The following CLNK variants were observed in gnomAD, a reference collection of about 807,000 sequenced individuals.
CLNK encodes the protein cytokine dependent hematopoietic cell linker.
CLNK carries 74 observed loss-of-function variants against 68.6 expected under a neutral mutation model. That is an observed-to-expected ratio of 1.08 (90% CI 0.89 to 1.31). The LOEUF is 1.31. Among genes scored for constraint, CLNK ranks in the 50% most tolerant of loss-of-function variants. CLNK has a pLI of 0.00. For missense variants in CLNK, 553 were observed against 515.3 expected (o/e 1.07, Z -0.71); for synonymous variants, 198 against 172.2 (o/e 1.15, Z -1.17).
chr4:10,591,154 G>T (rs142486903), intron 3 of CLNK, among the ~76,000 whole-genome samples: 1 of 152,114 alleles, frequency 6.6e-6, no homozygotes, highest in Non-Finnish European at 1.5e-5. Context: ...CCTAGAGGTC[G>T]TGTGGAGGTT....
intron 10 of CLNK, among the ~76,000 whole-genome samples, chr4:10,541,136 C>T (rs561697194): frequency 6.7e-6 from 1 of 150,296 alleles, no homozygotes; most frequent in South Asian, 2.1e-4. Context: ...ATCACTTGAG[C>T]CCAGGAGGCA....
At chr4:10,541,960 A>C in intron 10 of CLNK, 62 bp downstream of exon 10, 3 of 1,230,552 alleles carry the variant, frequency 2.4e-6, no homozygotes, top group Non-Finnish European at 2.3e-6. Flanking sequence ...TCTCTTTTTC[A>C]GATGCTGGCA....
the CLNK span, among the ~76,000 whole-genome samples, chr4:10,693,138 C>T: frequency 6.6e-6 from 1 of 152,118 alleles, no homozygotes; most frequent in Non-Finnish European, 1.5e-5. Context: ...TATCCTTGAG[C>T]CTTGTATAAG....
At chr4:10,648,603 G>A (rs1364594775) in intron 2 of CLNK, among the ~76,000 whole-genome samples, 1 of 152,162 alleles carries the variant, frequency 6.6e-6, no homozygotes, top group Non-Finnish European at 1.5e-5. Context: ...ATTGGTAGAA[G>A]TTATAGTATT....
chr4:10,718,846 G>A, the CLNK span, among the ~76,000 whole-genome samples: 1 of 151,984 alleles, frequency 6.6e-6, no homozygotes. Context: ...TGTTCTAAAT[G>A]TATATAAAGG....
rs1164511102 is a variant in CLNK, at chr4:10,603,486, T to A, written c.12-5437A>T. Among the ~76,000 whole-genome samples, 3 of 152,310 alleles carry A rather than the reference T, an allele frequency of 2.0e-5. No individual in the cohort carries two copies. In the East Asian group the frequency reaches 5.8e-4, roughly 29 times the overall value. ...TTTTTTGCCTCATGTTCAGCACATG[T>A]CCCATCTCCTCAGGAACTGCCGCAG... On this transcript the variant is annotated intron_variant, in intron 2 of 18. Coordinates refer to ENST00000226951, the MANE Select transcript of CLNK (RefSeq NM_052964.4).
In CLNK at chr4:10,487,335, CA is replaced by C. The variant is rs1428159583; in HGVS notation, c.*3131del. On this transcript the variant is annotated 3_prime_UTR_variant, in exon 19 of 19. Transcript: ENST00000226951. ...TTTGGCCAATGAGGTACAATTTCCT[CA>C]ATTATAAAATGCATTAGAAATAGCT... 1 of 152,158 alleles carries C rather than the reference CA, an allele frequency of 6.6e-6. No homozygotes were observed. Among genetic ancestry groups the C allele is most frequent in the Middle Eastern group, 3.2e-3 (1 of 316 alleles). 9.4% of individuals were successfully genotyped at this position (152,158 alleles called of 1,614,324 possible).
At chr4:10,696,905 T>C in the CLNK span, among the ~76,000 whole-genome samples, 1 of 152,196 alleles carries the variant, frequency 6.6e-6, no homozygotes, top group Non-Finnish European at 1.5e-5. Flanking sequence ...TCCAGGGCCC[T>C]TCCCCAGATC....
At chr4:10,582,495 G>A (rs1720818728) in intron 4 of CLNK, among the ~76,000 whole-genome samples, 1 of 152,028 alleles carries the variant, frequency 6.6e-6, no homozygotes, top group African/African-American at 2.4e-5. Context: ...TAAGACAGAA[G>A]GACCCACTTT....
At chr4:10,508,702 A>G (rs867056447) in intron 16 of CLNK, among the ~76,000 whole-genome samples, 1 of 152,208 alleles carries the variant, frequency 6.6e-6, no homozygotes, top group South Asian at 2.1e-4. Context: ...TCCAGCATCT[A>G]TAAGGTCCTT....
At chr4:10,574,778 TTA>T (rs1453331227) in intron 4 of CLNK, among the ~76,000 whole-genome samples, 16 of 152,214 alleles carry the variant, frequency 1.1e-4, no homozygotes, top group Admixed American at 1.0e-3. Context: ...ACCTAACCGC[TTA>T]TGTTATCTAT....
At chr4:10,695,861 CTT>C in the CLNK span, among the ~76,000 whole-genome samples, 9 of 143,856 alleles carry the variant, frequency 6.3e-5, no homozygotes, top group African/African-American at 5.1e-5. Flanking sequence ...ACAATTAGAG[CTT>C]TTTTTTTTTT....
intron 17 of CLNK, among the ~76,000 whole-genome samples, chr4:10,502,155 C>G (rs1158978473): frequency 6.6e-6 from 1 of 152,174 alleles, no homozygotes; most frequent in Non-Finnish European, 1.5e-5. Flanking sequence ...TTTCACACTT[C>G]TATAAAGAAA....
intron 2 of CLNK, among the ~76,000 whole-genome samples, chr4:10,633,935 T>G (rs1277129851): frequency 6.6e-6 from 1 of 152,226 alleles, no homozygotes; most frequent in Non-Finnish European, 1.5e-5. Flanking sequence ...GAGTTCCCAT[T>G]AATACTTAGG....
chr4:10,699,512 A>ATTTTTTTTTTT, the CLNK span, among the ~76,000 whole-genome samples: 1 of 32,748 alleles, frequency 3.1e-5, no homozygotes, highest in Non-Finnish European at 5.6e-5. Context: ...ATATATATAT[A>ATTTTTTTTTTT]TTTTTTTTTT....
Position 10,489,794 on chromosome 4 carries a change from G to C in CLNK, c.*673C>G, listed in dbSNP as rs1051790359. On this transcript the variant is annotated 3_prime_UTR_variant, in exon 19 of 19. Transcript: ENST00000226951. ...CCATTCTCCTGCCTCAGCCTCCCGA[G>C]TAGCTGGGACTACAGGCACCCACCA... 7.2e-6 allele frequency: 1 copy of C among 138,436 alleles called. No homozygotes were observed. The highest frequency in any genetic ancestry group is 1.5e-5 in the Non-Finnish European group (1 of 64,654). The allele number at this position is 138,436 out of a possible 1,614,324, so 8.6% of individuals were successfully genotyped here. A position where few individuals can be genotyped will look rare whatever the true frequency, so the allele number is the denominator to read the frequency against.
the CLNK span, among the ~76,000 whole-genome samples, chr4:10,733,701 T>G: frequency 2.0e-5 from 3 of 152,358 alleles, no homozygotes; most frequent in Admixed American, 2.0e-4. Context: ...GCTGTCCATC[T>G]TCTTTTGCTG....
At chr4:10,552,071 T>C (rs570956486) in intron 8 of CLNK, among the ~76,000 whole-genome samples, 171 of 152,204 alleles carry the variant, frequency 1.1e-3, no homozygotes, top group African/African-American at 3.7e-3. Flanking sequence ...TTAGCCAGGA[T>C]GGTCTCGATC....
intron 16 of CLNK, among the ~76,000 whole-genome samples, chr4:10,512,161 A>T (rs142382716): frequency 2.0e-5 from 3 of 152,226 alleles, no homozygotes; most frequent in Non-Finnish European, 4.4e-5. Flanking sequence ...AGTGATCCCC[A>T]TGTTTACGAA....
Sources: allele counts gnomAD v4.1 joint callset (sites outside exome capture counted in the v4.1 genomes callset), GRCh38; gene constraint gnomAD v4.1.1; transcripts MANE v1.5; gene names NCBI Gene and HGNC (gene_info 2026-07-23, HGNC 2026-07-21).